Variants in CNTN4 observed in about 807,000 individuals in gnomAD.
CNTN4 encodes contactin-4.
Under a neutral mutation model 122.5 loss-of-function variants are expected in CNTN4, and 77 were observed. The observed-to-expected ratio is 0.63, with a 90% CI of 0.52 to 0.76. The LOEUF (loss-of-function observed/expected upper bound fraction) is 0.76. Among genes scored for constraint, CNTN4 ranks in the 30% least tolerant of loss-of-function variants. The probability of loss-of-function intolerance (pLI) is 0.00; values close to 1 mark genes in which losing one functional copy is unlikely to be tolerated. For synonymous variants in CNTN4, 512 were observed against 447.0 expected (o/e 1.15, Z -1.83); for missense variants, 1,256 against 1,259.1 (o/e 1.00, Z 0.04).
chr3:2,613,957 C>G (rs536134151), intron 4 of CNTN4, among the ~76,000 whole-genome samples: 71 of 152,220 alleles, frequency 4.7e-4, no homozygotes, highest in African/African-American at 1.7e-3. Context: ...GACCGCTGTT[C>G]TAACCCTCGT....
intron 2 of CNTN4, among the ~76,000 whole-genome samples, chr3:2,170,620 TA>T (rs1383534417): frequency 1.3e-5 from 2 of 152,114 alleles, no homozygotes; most frequent in Non-Finnish European, 2.9e-5. Context: ...TTGCTTAGAA[TA>T]AAGGCAGAAC....
At chr3:2,846,537 C>G (rs1311330682) in intron 7 of CNTN4, among the ~76,000 whole-genome samples, 1 of 152,178 alleles carries the variant, frequency 6.6e-6, no homozygotes, top group Non-Finnish European at 1.5e-5. Flanking sequence ...GATTAAAACA[C>G]TGGTTATTTC....
intron 2 of CNTN4, among the ~76,000 whole-genome samples, chr3:2,230,783 G>A (rs1024663849): frequency 6.6e-6 from 1 of 151,974 alleles, no homozygotes; most frequent in Non-Finnish European, 1.5e-5. Context: ...CCAGGAGTTC[G>A]AGACCAGCAT....
intron 4 of CNTN4, among the ~76,000 whole-genome samples, chr3:2,634,072 T>A (rs904233490): frequency 6.6e-6 from 1 of 152,260 alleles, no homozygotes; most frequent in Admixed American, 6.5e-5. Flanking sequence ...GGATTTCATG[T>A]AAATTCATTA....
chr3:2,478,861 C>T (rs2075905794), intron 3 of CNTN4, among the ~76,000 whole-genome samples: 1 of 152,064 alleles, frequency 6.6e-6, no homozygotes, highest in South Asian at 2.1e-4. Flanking sequence ...GATTCCATGT[C>T]CTTGCTATTG....
intron 3 of CNTN4, among the ~76,000 whole-genome samples, chr3:2,396,598 A>G (rs1647360667): frequency 6.6e-6 from 1 of 151,940 alleles, no homozygotes; most frequent in Admixed American, 6.6e-5. Context: ...ATGATGCCAC[A>G]AGAAACCCAG....
In CNTN4 at chr3:2,232,709, T is replaced by A. The variant is rs560655640; in HGVS notation, c.-144-106469T>A. 7.2e-5 allele frequency among the ~76,000 whole-genome samples: 11 copies of A among 152,344 alleles called. No individual in the cohort carries two copies. In the South Asian group the frequency reaches 2.3e-3, roughly 32 times the overall value. ...TTTATCAACAGTGTAACACTTTTGA[T>A]CTTTGCCAACTCAATAGACGAAAAC... is the stretch of plus-strand genomic sequence containing the variant. On this transcript the variant is annotated intron_variant, in intron 2 of 24. Coordinates refer to ENST00000418658, the MANE Select transcript of CNTN4 (RefSeq NM_175607.3).
intron 3 of CNTN4, among the ~76,000 whole-genome samples, chr3:2,474,531 T>C (rs1441577646): frequency 6.6e-6 from 1 of 152,158 alleles, no homozygotes; most frequent in African/African-American, 2.4e-5. Flanking sequence ...AATGTGTAAG[T>C]TATGTAAAAT....
intron 13 of CNTN4, among the ~76,000 whole-genome samples, chr3:2,931,183 C>T (rs1225816685): frequency 6.6e-6 from 1 of 152,092 alleles, no homozygotes; most frequent in Non-Finnish European, 1.5e-5. Context: ...AAAATCACAA[C>T]ACGTGGATCA....
intron 13 of CNTN4, among the ~76,000 whole-genome samples, chr3:2,983,821 T>C (rs1694290579): frequency 6.6e-6 from 1 of 152,152 alleles, no homozygotes; most frequent in African/African-American, 2.4e-5. Flanking sequence ...AAAGAATAGT[T>C]TATCAAACTT....
chr3:2,644,627 T>TGC (rs1286093038), intron 4 of CNTN4, among the ~76,000 whole-genome samples: 1 of 151,122 alleles, frequency 6.6e-6, no homozygotes, highest in African/African-American at 2.4e-5. Context: ...GAACTGGATT[T>TGC]CCTAAGTGAG....
At chr3:2,258,405 T>A (rs545580403) in intron 2 of CNTN4, among the ~76,000 whole-genome samples, 13 of 152,294 alleles carry the variant, frequency 8.5e-5, no homozygotes, top group African/African-American at 3.1e-4. Flanking sequence ...TCATTGAATA[T>A]TAGCACAGAT....
intron 4 of CNTN4, among the ~76,000 whole-genome samples, chr3:2,725,170 T>C (rs1188822327): frequency 6.6e-6 from 1 of 152,190 alleles, no homozygotes; most frequent in Admixed American, 6.5e-5. Context: ...TGCTCTTTTT[T>C]CCTTGGTTAT....
chr3:2,619,064 T>A lies in CNTN4; in HGVS notation c.55+47506T>A, dbSNP rs989062777. ...ATGAGACAGTAGCACTTATATTGCC[T>A]GAGAGTTTCTGTTTACTTGAGTATC... On this transcript the variant is annotated intron_variant, in intron 4 of 24. Transcript: ENST00000418658. Among the ~76,000 whole-genome samples the A allele has an allele frequency of 2.0e-5, 3 of 152,234 alleles. No individual in the cohort carries two copies. The East Asian group carries it at 5.8e-4, about 29-fold the overall frequency.
At chr3:2,800,148 A>G (rs1160969199) in intron 6 of CNTN4, among the ~76,000 whole-genome samples, 4 of 147,920 alleles carry the variant, frequency 2.7e-5, no homozygotes, top group Non-Finnish European at 5.9e-5. Flanking sequence ...TTGGTTCCAC[A>G]TTAATTTTAA....
chr3:2,324,306 C>T (rs1145041), intron 2 of CNTN4, among the ~76,000 whole-genome samples: 71,877 of 151,806 alleles, frequency 0.47, 17,133 homozygotes, highest in Admixed American at 0.51. Context: ...GCAGCATTTT[C>T]TTCCCATGGC....
chr3:2,853,509 C>T (rs557006780), intron 7 of CNTN4, among the ~76,000 whole-genome samples: 1 of 152,276 alleles, frequency 6.6e-6, no homozygotes, highest in South Asian at 2.1e-4. Context: ...TCCCAAAGTG[C>T]TAGGATTGCA....
rs754637863 is a variant in CNTN4 at position 2,773,320 on chromosome 3, G to C, written c.358+27623G>C. 2.0e-5 allele frequency among the ~76,000 whole-genome samples: 3 copies of C among 152,108 alleles called. 1 individual carries two copies. Among genetic ancestry groups the C allele is most frequent in the Non-Finnish European group, 4.4e-5 (3 of 68,020 alleles). Reference sequence around the variant, plus strand: ...TGAAAGAGAAAGTTTAAAGACACAAGGTTTATTAATAAGTTGGTAGTAGTA... The same window carrying C: ...TGAAAGAGAAAGTTTAAAGACACAACGTTTATTAATAAGTTGGTAGTAGTA... On this transcript the variant is annotated intron_variant, in intron 6 of 24. Transcript: ENST00000418658.
At chr3:2,816,820 CAA>C (rs538762827) in intron 6 of CNTN4, among the ~76,000 whole-genome samples, 13,132 of 72,686 alleles carry the variant, frequency 0.18, 513 homozygotes, top group East Asian at 0.4. Context: ...ACTCTGTCTC[CAA>C]AAAAAAAAAA....
Sources: allele counts gnomAD v4.1 joint callset (sites outside exome capture counted in the v4.1 genomes callset), GRCh38; gene constraint gnomAD v4.1.1; transcripts MANE v1.5; gene names NCBI Gene and HGNC (gene_info 2026-07-23, HGNC 2026-07-21).